The following SYTL5 variants were observed in gnomAD, a reference collection of about 807,000 sequenced individuals.
SYTL5 encodes the protein synaptotagmin-like protein 5.
In SYTL5, 34 loss-of-function variants were observed where a neutral mutation model predicts 55.9. The observed-to-expected ratio is 0.61, with a 90% CI of 0.46 to 0.81. The LOEUF is 0.81. SYTL5 is among the 30% of genes least tolerant of loss of function. SYTL5 has a pLI of 0.00. For missense variants in SYTL5, 637 were observed against 546.7 expected, an observed-to-expected ratio of 1.17 and a Z score of -1.65; for synonymous variants, 221 against 188.7, an observed-to-expected ratio of 1.17 and a Z score of -1.40.
intron 1 of SYTL5, among the ~76,000 whole-genome samples, chrX:38,031,074 C>T (rs1934939001): frequency 9.0e-6 from 1 of 111,490 alleles, no homozygotes; most frequent in South Asian, 3.8e-4. Flanking sequence ...AGTCCTAAGC[C>T]TGTGTTCTAT....
chrX:37,959,473 A>T, the SYTL5 span, among the ~76,000 whole-genome samples: 1 of 111,689 alleles, frequency 9.0e-6, no homozygotes, highest in South Asian at 3.8e-4. Flanking sequence ...AAGCTCAGGT[A>T]CCGCGGTTTA....
chrX:38,076,731 T>C, intron 6 of SYTL5, 30 bp downstream of exon 6: 25 of 1,193,873 alleles, frequency 2.1e-5, no homozygotes, highest in Non-Finnish European at 2.5e-5. Context: ...AGCAATGATG[T>C]AGCCTGAGGT....
At chrX:37,903,364 G>A in the SYTL5 span, among the ~76,000 whole-genome samples, 1 of 107,301 alleles carries the variant, frequency 9.3e-6, no homozygotes. Context: ...GGAATACTAT[G>A]CAGCCATAAA....
chrX:38,120,169 C>G, intron 13 of SYTL5, among the ~76,000 whole-genome samples, 189 bp from the exon 14 acceptor site: 1 of 112,446 alleles, frequency 8.9e-6, no homozygotes, highest in Non-Finnish European at 1.9e-5. Flanking sequence ...CAAATGCCTT[C>G]ATAGAGTTTT....
At chrX:38,121,906 G>A (rs952177617) in intron 14 of SYTL5, among the ~76,000 whole-genome samples, 174 bp from the exon 15 acceptor site, 1 of 112,331 alleles carries the variant, frequency 8.9e-6, no homozygotes, top group Admixed American at 9.4e-5. Context: ...GGAATCCAAT[G>A]GGGGCAAAAA....
intron 9 of SYTL5, among the ~76,000 whole-genome samples, chrX:38,101,527 A>G (rs975507304): frequency 4.5e-5 from 5 of 110,757 alleles, no homozygotes; most frequent in Non-Finnish European, 9.5e-5. Context: ...GTGCAGCAGG[A>G]TGCTAAATAT....
intron 1 of SYTL5, among the ~76,000 whole-genome samples, chrX:38,022,177 A>G (rs1934573796): frequency 8.9e-6 from 1 of 112,102 alleles, no homozygotes; most frequent in African/African-American, 3.2e-5. Context: ...ATAATTGCAA[A>G]CCAGTAAGTT....
chrX:37,982,908 A>C, the SYTL5 span, among the ~76,000 whole-genome samples: 1 of 111,566 alleles, frequency 9.0e-6, no homozygotes, highest in Non-Finnish European at 1.9e-5. Context: ...AATATATAAT[A>C]ATAAGACCAT....
intron 1 of SYTL5, among the ~76,000 whole-genome samples, chrX:38,010,577 T>C (rs1934145765): frequency 8.9e-6 from 1 of 112,014 alleles, no homozygotes; most frequent in Admixed American, 9.5e-5. Flanking sequence ...TTGTGAAATA[T>C]GTCAGTATAT....
At chrX:38,036,968 G>C (rs184570456) in intron 2 of SYTL5, among the ~76,000 whole-genome samples, 30 of 111,828 alleles carry the variant, frequency 2.7e-4, no homozygotes, top group African/African-American at 9.7e-4. Context: ...TGGTGCCCTT[G>C]ATTTGCTAGT....
chrX:38,121,000 T>C (rs1286793018), intron 14 of SYTL5, among the ~76,000 whole-genome samples: 2 of 111,773 alleles, frequency 1.8e-5, no homozygotes, highest in Non-Finnish European at 3.8e-5. Flanking sequence ...CTGCAGGCTA[T>C]GTAGGAAGCA....
the SYTL5 span, among the ~76,000 whole-genome samples, chrX:37,970,541 G>A: frequency 9.1e-6 from 1 of 110,417 alleles, no homozygotes; most frequent in African/African-American, 3.3e-5. Flanking sequence ...AATTAGAATT[G>A]CCCATTTAAT....
intron 15 of SYTL5, among the ~76,000 whole-genome samples, chrX:38,123,979 G>GT (rs903341032): frequency 4.5e-5 from 5 of 111,230 alleles, no homozygotes; most frequent in South Asian, 3.8e-4. Flanking sequence ...AACAAGACAA[G>GT]TTTTTTTTCT....
At chrX:37,922,188 TG>T in the SYTL5 span, among the ~76,000 whole-genome samples, 1 of 111,585 alleles carries the variant, frequency 9.0e-6, no homozygotes, top group Admixed American at 9.6e-5. Context: ...ACAAAAACAT[TG>T]GTTTCTCCTT....
the SYTL5 span, among the ~76,000 whole-genome samples, chrX:37,897,482 C>CA: frequency 0.13 from 8,580 of 68,188 alleles, 753 homozygotes; most frequent in African/African-American, 0.31. Flanking sequence ...GACTCCATCT[C>CA]AAAAAAAAAA....
In SYTL5 at chrX:38,102,580, C is replaced by G. The variant is rs772821403; in HGVS notation, c.1155+146C>G. 2.6e-5 allele frequency: 12 copies of G among 453,793 alleles called. No individual in the cohort carries two copies. In the South Asian group the frequency reaches 4.7e-4, roughly 18 times the overall value. The allele number at this position is 453,793 out of a possible 1,213,427, so 37.4% of individuals were successfully genotyped here. ...TAAGATCCTGCTTGCCCTTTGCCCA[C>G]AGAGTACATTTCAGTCTAATTTGGT... On this transcript the variant is annotated intron_variant, in intron 10 of 16. Transcript: ENST00000297875.
the SYTL5 span, among the ~76,000 whole-genome samples, chrX:37,993,924 C>A: frequency 2.7e-5 from 3 of 111,909 alleles, no homozygotes; most frequent in Non-Finnish European, 3.8e-5. Flanking sequence ...CTGGGGTGAC[C>A]AGGTTCCTCT....
the SYTL5 span, among the ~76,000 whole-genome samples, chrX:37,935,784 C>G: frequency 9.0e-6 from 1 of 111,680 alleles, no homozygotes; most frequent in Middle Eastern, 4.6e-3. Flanking sequence ...AAAGGTACAC[C>G]AGAAAGTATC....
At chrX:38,006,175 C>T (rs1933983576), upstream of SYTL5, among the ~76,000 whole-genome samples, 1 of 111,113 alleles carries the variant, frequency 9.0e-6, no homozygotes, top group Non-Finnish European at 1.9e-5. Context: ...TATTATACAC[C>T]TAACACATTT....
Sources: gnomAD v4.1 joint callset for allele counts (sites outside exome capture counted in the v4.1 genomes callset) on GRCh38, gnomAD v4.1.1 for gene constraint, MANE v1.5 for transcripts, NCBI Gene and HGNC (gene_info 2026-07-23, HGNC 2026-07-21) for gene names.